Variants in SEC14L1 observed in about 807,000 individuals in gnomAD.
SEC14L1 encodes SEC14 like lipid binding 1, also known as SEC14-like protein 1.
A neutral mutation model predicts 85.3 loss-of-function variants in SEC14L1; 48 were observed. The observed-to-expected ratio is 0.56, with a 90% CI of 0.45 to 0.72. The LOEUF (loss-of-function observed/expected upper bound fraction) is 0.72, where lower values mean the gene tolerates loss of function less well. Among genes scored for constraint, SEC14L1 ranks in the 30% least tolerant of loss-of-function variants. SEC14L1 has a pLI of 0.00. For synonymous variants in SEC14L1, 391 were observed against 355.5 expected, an observed-to-expected ratio of 1.10 and a Z score of -1.12; for missense variants, 682 against 921.4, an observed-to-expected ratio of 0.74 and a Z score of 3.36.
chr17:77,140,637 C>G (rs1192744524), upstream of SEC14L1: 1 of 152,454 alleles, frequency 6.6e-6, no homozygotes, highest in Non-Finnish European at 1.5e-5. Context: ...GGCTTCACTC[C>G]GCCTCCGCCC....
At chr17:77,184,151 T>C (rs1013755022) in intron 3 of SEC14L1, among the ~76,000 whole-genome samples, 4 of 152,138 alleles carry the variant, frequency 2.6e-5, no homozygotes, top group Non-Finnish European at 4.4e-5. Context: ...GCCTGTGGTG[T>C]TTGTGTCTGC....
chr17:77,102,471 G>C (rs987089642), intron 3 of SEC14L1, among the ~76,000 whole-genome samples: 1 of 151,874 alleles, frequency 6.6e-6, no homozygotes, highest in Non-Finnish European at 1.5e-5. Context: ...GGAAGTGAAG[G>C]GTATCTTCCC....
At chr17:77,141,638 C>T (rs2143503238) in intron 1 of SEC14L1, 1 of 152,320 alleles carries the variant, frequency 6.6e-6, no homozygotes, top group East Asian at 1.9e-4. Flanking sequence ...TCCGGATGCC[C>T]GCGTAGGGCG....
intron 3 of SEC14L1, among the ~76,000 whole-genome samples, chr17:77,133,356 C>T (rs1972672782): frequency 6.6e-6 from 1 of 152,236 alleles, no homozygotes; most frequent in Non-Finnish European, 1.5e-5. Context: ...GGGAATGTGT[C>T]CTGCCACGAT....
chr17:77,161,187 G>A (rs951267615), intron 3 of SEC14L1, among the ~76,000 whole-genome samples: 3 of 152,094 alleles, frequency 2.0e-5, no homozygotes, highest in Non-Finnish European at 2.9e-5. Context: ...TTTAAGTAAC[G>A]TTATAATAAA....
upstream of SEC14L1, among the ~76,000 whole-genome samples, chr17:77,138,890 A>G (rs1781420263): frequency 6.6e-6 from 1 of 152,220 alleles, no homozygotes. Context: ...TTTCTTCAAA[A>G]TGTTTAACTG....
At chr17:77,140,440 C>T (rs1376290916), upstream of SEC14L1, among the ~76,000 whole-genome samples, 1 of 152,230 alleles carries the variant, frequency 6.6e-6, no homozygotes, top group Non-Finnish European at 1.5e-5. Flanking sequence ...GGGGCACTGG[C>T]GCGAGCAGCC....
chr17:77,101,334 C>T (rs996623718), intron 3 of SEC14L1, among the ~76,000 whole-genome samples: 6 of 152,178 alleles, frequency 3.9e-5, no homozygotes, highest in East Asian at 1.9e-4. Flanking sequence ...GCGCACACCA[C>T]GCCAGGCTAA....
intron 3 of SEC14L1, chr17:77,098,927 C>G (rs1971706361): frequency 6.6e-6 from 1 of 152,212 alleles, no homozygotes; most frequent in African/African-American, 2.4e-5. Context: ...ACCACAAAAA[C>G]TACATTCTCA....
chr17:77,201,714 G>T (rs1976157353), intron 9 of SEC14L1, among the ~76,000 whole-genome samples: 1 of 152,170 alleles, frequency 6.6e-6, no homozygotes, highest in Admixed American at 6.5e-5. Flanking sequence ...CTCCAAAAGT[G>T]CAGGAATTAC....
At chr17:77,111,441 G>A (rs1178542929) in intron 3 of SEC14L1, among the ~76,000 whole-genome samples, 2 of 146,160 alleles carry the variant, frequency 1.4e-5, no homozygotes, top group African/African-American at 5.1e-5. Flanking sequence ...CGCCCAGGTT[G>A]GAGTGCAGTG....
rs1977052198 is a variant in SEC14L1 at position 77,216,110 on chromosome 17, CGT to C, written c.*2088_*2089del. 1.3e-6 allele frequency: 1 copy of C among 797,962 alleles called. No homozygotes were observed. Among genetic ancestry groups the C allele is most frequent in the African/African-American group, 3.4e-5 (1 of 29,636 alleles). The allele number at this position is 797,962 out of a possible 1,614,324, so 49.4% of individuals were successfully genotyped here. A position where few individuals can be genotyped will look rare whatever the true frequency, so the allele number is the denominator to read the frequency against. On this transcript the variant is annotated 3_prime_UTR_variant, in exon 17 of 17. Transcript: ENST00000436233. ...GTAGGTAGGGCTAGTAGGTAGGGTT[CGT>C]AGGTAGGGTTAGTAGGTAGGGCTAG...
At position 77,216,886 on chromosome 17, in the gene SEC14L1, A is replaced by C. The variant is rs1977128043; in HGVS notation, c.*2863A>C. On this transcript the variant is annotated 3_prime_UTR_variant, in exon 17 of 17. Coordinates refer to ENST00000436233, the MANE Select transcript of SEC14L1 (RefSeq NM_001143998.2). ...CCTTTAGTACCTTGCCACTCTTTTA[A>C]AACGCTGCTGTCATTTCCCATTTCT... 3.4e-6 allele frequency: 1 copy of C among 290,258 alleles called. No individual in the cohort carries two copies. Among genetic ancestry groups the C allele is most frequent in the African/African-American group, 2.2e-5 (1 of 46,280 alleles). 18.0% of individuals were successfully genotyped at this position (290,258 alleles called of 1,614,324 possible).
rs55741026 is a variant in SEC14L1, at chr17:77,201,578, G to A, written c.1009+905G>A. On this transcript the variant is annotated intron_variant, in intron 9 of 16. Coordinates refer to ENST00000436233, the MANE Select transcript of SEC14L1 (RefSeq NM_001143998.2). ...CAATTCTCCCGCCTCAGCCTCCCGAGTAGTTGGGACTACAGGTGTGCACCA... is the reference window on the plus strand; with the variant it reads ...CAATTCTCCCGCCTCAGCCTCCCGAATAGTTGGGACTACAGGTGTGCACCA... Among the ~76,000 whole-genome samples, 777 of 151,890 alleles carry A rather than the reference G, an allele frequency of 5.1e-3. 4 individuals are homozygous for A. Among genetic ancestry groups the A allele is most frequent in the Non-Finnish European group, 8.1e-3 (548 of 67,980 alleles).
At chr17:77,173,221 A>G (rs1974598121) in intron 3 of SEC14L1, among the ~76,000 whole-genome samples, 1 of 152,172 alleles carries the variant, frequency 6.6e-6, no homozygotes, top group Non-Finnish European at 1.5e-5. Context: ...AGTTGGAGCT[A>G]ACTCTTTAGA....
intron 9 of SEC14L1, among the ~76,000 whole-genome samples, chr17:77,201,655 T>G (rs562172537): frequency 1.3e-5 from 2 of 152,152 alleles, no homozygotes; most frequent in Non-Finnish European, 2.9e-5. Context: ...TTCACCATAT[T>G]GGCCAGGCTG....
intron 3 of SEC14L1, among the ~76,000 whole-genome samples, chr17:77,182,518 G>A (rs1336491575): frequency 2.0e-5 from 3 of 152,120 alleles, no homozygotes; most frequent in African/African-American, 7.2e-5. Flanking sequence ...AAATGAGTGA[G>A]CAAATGATTA....
chr17:77,136,754 G>A (rs931221606), upstream of SEC14L1, among the ~76,000 whole-genome samples: 1 of 152,190 alleles, frequency 6.6e-6, no homozygotes, highest in African/African-American at 2.4e-5. Context: ...GCTGGAGGGG[G>A]AAGACACACT....
intron 3 of SEC14L1, among the ~76,000 whole-genome samples, chr17:77,120,756 C>T (rs1271112711): frequency 2.0e-5 from 3 of 152,190 alleles, no homozygotes; most frequent in Non-Finnish European, 4.4e-5. Flanking sequence ...GGATTACAGG[C>T]GTGAGCCACT....
Sources: allele counts gnomAD v4.1 joint callset (sites outside exome capture counted in the v4.1 genomes callset), GRCh38; gene constraint gnomAD v4.1.1; transcripts MANE v1.5; gene names NCBI Gene and HGNC (gene_info 2026-07-23, HGNC 2026-07-21).